HEPACAM: variants seen among roughly 807,000 people sequenced by gnomAD.
The protein encoded by HEPACAM is hepatocyte cell adhesion molecule.
In HEPACAM, 18 loss-of-function variants were observed where a neutral mutation model predicts 38.3. The observed-to-expected ratio is 0.47, with a 90% CI of 0.33 to 0.70. The LOEUF (loss-of-function observed/expected upper bound fraction) is 0.70. Among genes scored for constraint, HEPACAM ranks in the 30% least tolerant of loss-of-function variants. The pLI, the probability that HEPACAM is intolerant of heterozygous loss-of-function variation, is 0.03. For missense variants in HEPACAM, 466 were observed against 563.0 expected (o/e 0.83, Z 1.74); for synonymous variants, 216 against 243.1 (o/e 0.89, Z 1.04).
chr11:124,923,741 T>C lies in HEPACAM; in HGVS notation c.697A>G (p.Ile233Val). The change falls in exon 3 of 7, where the codon ATC (isoleucine) becomes GTC (valine). Residue 233 changes from isoleucine to valine, a missense_variant. Ile to Val is a conservative substitution (Grantham distance 29). Transcript: ENST00000298251. ...ISQGRSLPVKITVYRRSSLYI... is the reference protein window; with the variant it reads ...ISQGRSLPVKVTVYRRSSLYI... ...CGGGGAAACTCACTGTATACGGTGA[T>C]CTTGACAGGCAGGCTGCGGCCCTGG... is the stretch of plus-strand genomic sequence containing the variant. 1.2e-6 allele frequency: 2 copies of C among 1,614,078 alleles called. No homozygotes were observed. Among genetic ancestry groups the C allele is most frequent in the Non-Finnish European group, 1.7e-6 (2 of 1,180,002 alleles).
chr11:124,929,086 C>T (rs76178222), intron 1 of HEPACAM, among the ~76,000 whole-genome samples: 5,770 of 152,306 alleles, frequency 0.038, 136 homozygotes, highest in Middle Eastern at 0.088. Context: ...TTCCCCTCTC[C>T]CTTCTATCTT....
chr11:124,931,974 T>C lies in HEPACAM; in HGVS notation c.85+3948A>G, dbSNP rs191725922. Among the ~76,000 whole-genome samples, 176 of 152,318 alleles carry C rather than the reference T, an allele frequency of 1.2e-3. 1 individual carries two copies. Among genetic ancestry groups the C allele is most frequent in the Middle Eastern group, 3.4e-3 (1 of 294 alleles). On this transcript the variant is annotated intron_variant, in intron 1 of 6. Coordinates refer to ENST00000298251, the MANE Select transcript of HEPACAM (RefSeq NM_152722.5). ...ATCCTACAAACTTGGTGTTCAGACA[T>C]AGAAGACTGAATACATATGATACCA...
intron 1 of HEPACAM, among the ~76,000 whole-genome samples, chr11:124,927,226 T>C (rs186023692): frequency 1.6e-4 from 25 of 152,244 alleles, no homozygotes; most frequent in Admixed American, 1.6e-3. Flanking sequence ...GAGCTCCTCA[T>C]CTTTGGAAAT....
chr11:124,920,772 C>G lies in HEPACAM; in HGVS notation c.*366G>C. 9.3e-7 allele frequency: 1 copy of G among 1,080,486 alleles called. No individual in the cohort carries two copies. The highest frequency in any genetic ancestry group is 3.7e-5 in the South Asian group (1 of 26,874). The allele number at this position is 1,080,486 out of a possible 1,614,324, so 66.9% of individuals were successfully genotyped here. A position where few individuals can be genotyped will look rare whatever the true frequency, so the allele number is the denominator to read the frequency against. On this transcript the variant is annotated 3_prime_UTR_variant, in exon 7 of 7. Transcript: ENST00000298251. Reference sequence around the variant, plus strand: ...TGGTGGGTGGGAAACAACACAGCTCCCTAGGAAGAGCACAGGATAGTCACG... The same window carrying G: ...TGGTGGGTGGGAAACAACACAGCTCGCTAGGAAGAGCACAGGATAGTCACG...
chr11:124,919,692 C>A lies in HEPACAM; in HGVS notation c.*1446G>T. On this transcript the variant is annotated 3_prime_UTR_variant, in exon 7 of 7. Transcript: ENST00000298251. ...GCTGTGGGGTTCAGGGCAGAGGGGG[C>A]AAACTAGAAATGTCAGTGCCTTTGG... 2 of 1,582,958 alleles carry A rather than the reference C, an allele frequency of 1.3e-6. No individual in the cohort carries two copies. The highest frequency in any genetic ancestry group is 1.2e-5 in the South Asian group (1 of 86,314).
At position 124,920,678 on chromosome 11, in the gene HEPACAM, C is replaced by CA. The variant is rs71042463; in HGVS notation, c.*459dup. The stretch of plus-strand genomic sequence containing the variant: ...AAGTGGCCTCTCTAATCTGAACTTG[C>CA]AAAAAAAAAAAAAAAAAAAAAAAAA... On this transcript the variant is annotated 3_prime_UTR_variant, in exon 7 of 7. Transcript: ENST00000298251. 44,993 of 566,766 alleles carry CA rather than the reference C, an allele frequency of 0.079. 595 individuals are homozygous for CA. Among genetic ancestry groups the CA allele is most frequent in the Non-Finnish European group, 0.083 (41,821 of 503,836 alleles). 35.1% of individuals were successfully genotyped at this position (566,766 alleles called of 1,614,324 possible).
chr11:124,933,460 C>T (rs143330654), intron 1 of HEPACAM, among the ~76,000 whole-genome samples: 14 of 152,250 alleles, frequency 9.2e-5, no homozygotes, highest in Middle Eastern at 6.8e-3. Flanking sequence ...CATGAGCCAC[C>T]GCTCCCGGCC....
intron 1 of HEPACAM, among the ~76,000 whole-genome samples, chr11:124,931,017 T>C (rs1047072604): frequency 6.6e-6 from 1 of 152,198 alleles, no homozygotes; most frequent in East Asian, 1.9e-4. Context: ...AGAGCTTCTA[T>C]TCATCAAAAG....
chr11:124,919,987 G>T lies in HEPACAM; in HGVS notation c.*1151C>A. 1.9e-6 allele frequency: 3 copies of T among 1,613,348 alleles called. No individual in the cohort carries two copies. Among genetic ancestry groups the T allele is most frequent in the Non-Finnish European group, 2.5e-6 (3 of 1,179,990 alleles). On this transcript the variant is annotated 3_prime_UTR_variant, in exon 7 of 7. Coordinates refer to ENST00000298251, the MANE Select transcript of HEPACAM (RefSeq NM_152722.5). ...ATGGGCATGTCCTGGCTACACAGCG[G>T]CCCAGCCTCTTTATTTTGATGTTAG... is the stretch of plus-strand genomic sequence containing the variant.
In HEPACAM at chr11:124,930,541, A is replaced by G. The variant is rs865971908; in HGVS notation, c.85+5381T>C. On this transcript the variant is annotated intron_variant, in intron 1 of 6. Transcript: ENST00000298251. ...TAGTTAATAGGTATTAAGATGGCAC[A>G]CAGAGAGTTACTATGTTTGTGGACT... Among the ~76,000 whole-genome samples, 9 of 152,330 alleles carry G rather than the reference A, an allele frequency of 5.9e-5. No homozygotes were observed. In the South Asian group the frequency reaches 1.9e-3, roughly 32 times the overall value.
At chr11:124,929,959 A>C (rs1217800424) in intron 1 of HEPACAM, among the ~76,000 whole-genome samples, 1 of 152,090 alleles carries the variant, frequency 6.6e-6, no homozygotes, top group African/African-American at 2.4e-5. Flanking sequence ...TATGTGTTCT[A>C]GGATTTGGTC....
intron 1 of HEPACAM, among the ~76,000 whole-genome samples, chr11:124,935,307 T>TTGTGTG (rs57032842): frequency 6.6e-6 from 1 of 150,748 alleles, no homozygotes; most frequent in African/African-American, 2.4e-5. Context: ...TGCTCTGTAA[T>TTGTGTG]TGTGTGTGTG....
At chr11:124,926,510 C>G (rs1947211296) in intron 1 of HEPACAM, among the ~76,000 whole-genome samples, 1 of 152,138 alleles carries the variant, frequency 6.6e-6, no homozygotes, top group Admixed American at 6.5e-5. Flanking sequence ...CTCTTAGGAG[C>G]TTTGGGATCT....
At position 124,923,901 on chromosome 11, in the gene HEPACAM, G is replaced by T; in HGVS notation, c.537C>A (p.Thr179=). Residue 179 remains threonine, a synonymous_variant, in exon 3 of 7, where the codon ACC becomes ACA. Coordinates refer to ENST00000298251, the MANE Select transcript of HEPACAM (RefSeq NM_152722.5). ...GGAGGGGCTTGCCATCCTTCAGCCA[G>T]GTGTAGCTGGGCTTGGTGCCATTCT... is the stretch of plus-strand genomic sequence containing the variant. ...SHENGTKPSY[T]WLKDGKPLLN... 6.2e-7 allele frequency: 1 copy of T among 1,613,718 alleles called. No individual in the cohort carries two copies. The highest frequency in any genetic ancestry group is 8.5e-7 in the Non-Finnish European group (1 of 1,180,022).
chr11:124,931,738 C>T (rs1377695595), intron 1 of HEPACAM, among the ~76,000 whole-genome samples: 1 of 152,158 alleles, frequency 6.6e-6, no homozygotes, highest in Non-Finnish European at 1.5e-5. Flanking sequence ...AAGAAATGCC[C>T]ATATCTGTTC....
At position 124,927,218 on chromosome 11, in the gene HEPACAM, G is replaced by A. The variant is rs547458243; in HGVS notation, c.86-2149C>T. 3.3e-5 allele frequency among the ~76,000 whole-genome samples: 5 copies of A among 152,234 alleles called. No individual in the cohort carries two copies. In the East Asian group the frequency reaches 9.7e-4, roughly 29 times the overall value. ...GAAAAAGTGCTTTGCTAAGTAGTGA[G>A]CTCCTCATCTTTGGAAATGACCAAG... is the stretch of plus-strand genomic sequence containing the variant. On this transcript the variant is annotated intron_variant, in intron 1 of 6. Transcript: ENST00000298251.
chr11:124,925,976 A>G (rs1057351124), intron 1 of HEPACAM, among the ~76,000 whole-genome samples: 4 of 152,312 alleles, frequency 2.6e-5, no homozygotes, highest in Admixed American at 2.6e-4. Context: ...CAAGATGGGC[A>G]GATCACCTGA....
At position 124,922,444 on chromosome 11, in the gene HEPACAM, G is replaced by A; in HGVS notation, c.892C>T (p.Arg298Ter). Residue 298 changes from arginine to a stop codon, truncating the protein, a stop_gained, in exon 6 of 7, where the codon CGA becomes TGA. Transcript: ENST00000298251. LOFTEE classifies it high-confidence loss of function. Reference sequence around the variant, plus strand: ...TTCTTCCGTTCCTGCTCACCACTTCGAGGGAGGGTGTCTGCTGCACAGGGG... The same window carrying A: ...TTCTTCCGTTCCTGCTCACCACTTCAAGGGAGGGTGTCTGCTGCACAGGGG... ...RLKPEADTLP[R>*]SGEQERKNPM... 2 of 1,614,086 alleles carry A rather than the reference G, an allele frequency of 1.2e-6. No homozygotes were observed. The highest frequency in any genetic ancestry group is 1.7e-6 in the Non-Finnish European group (2 of 1,179,990).
chr11:124,925,879 C>T (rs1842300117), intron 1 of HEPACAM, among the ~76,000 whole-genome samples: 1 of 152,188 alleles, frequency 6.6e-6, no homozygotes, highest in Non-Finnish European at 1.5e-5. Context: ...GATTTGGGTA[C>T]TCATTCTTCT....
Sources: gnomAD v4.1 joint callset for allele counts (sites outside exome capture counted in the v4.1 genomes callset) on GRCh38, gnomAD v4.1.1 for gene constraint, MANE v1.5 for transcripts, NCBI Gene and HGNC (gene_info 2026-07-23, HGNC 2026-07-21) for gene names.